Variants in SCNN1B observed in about 807,000 individuals in gnomAD.
The protein encoded by SCNN1B is sodium channel epithelial 1 subunit beta.
A neutral mutation model predicts 65.3 loss-of-function variants in SCNN1B; 46 were observed. The observed-to-expected ratio is 0.70, with a 90% CI of 0.56 to 0.90. The LOEUF (loss-of-function observed/expected upper bound fraction) is 0.90. Ranked by LOEUF, SCNN1B falls within the 40% of genes least tolerant of loss-of-function variation. The pLI is 0.00. For synonymous variants in SCNN1B, 349 were observed against 330.6 expected (o/e 1.06, Z -0.60); for missense variants, 751 against 830.5 (o/e 0.90, Z 1.18).
chr16:23,317,081 C>G (rs746866679), intron 1 of SCNN1B, among the ~76,000 whole-genome samples: 12 of 152,246 alleles, frequency 7.9e-5, no homozygotes, highest in Non-Finnish European at 1.8e-4. Flanking sequence ...AATTTGGGCT[C>G]TAAAGCCTGA....
At chr16:23,327,460 G>A (rs573501691) in intron 1 of SCNN1B, among the ~76,000 whole-genome samples, 2 of 152,136 alleles carry the variant, frequency 1.3e-5, no homozygotes, top group Non-Finnish European at 2.9e-5. Context: ...CTTGAACCCA[G>A]GAGGTGGAGG....
intron 2 of SCNN1B, among the ~76,000 whole-genome samples, chr16:23,349,531 C>G (rs1297889619): frequency 6.6e-6 from 1 of 152,106 alleles, no homozygotes; most frequent in Non-Finnish European, 1.5e-5. Context: ...GCCTGGGTAA[C>G]AGATGCTATC....
In SCNN1B at chr16:23,314,393, GT is replaced by G. The variant is rs1370066828; in HGVS notation, c.-9+11957del. ...AGCTCTCTCACTGCAGGATTTCAATGTATCTTTACAACAATCCAGTGAAACA... is the reference window on the plus strand; with the variant it reads ...AGCTCTCTCACTGCAGGATTTCAATGATCTTTACAACAATCCAGTGAAACA... On this transcript the variant is annotated intron_variant, in intron 1 of 12. Transcript: ENST00000343070. Among the ~76,000 whole-genome samples the G allele has an allele frequency of 6.6e-5, 10 of 152,180 alleles. No homozygotes were observed. The East Asian group carries it at 1.9e-3, about 29-fold the overall frequency.
intron 1 of SCNN1B, among the ~76,000 whole-genome samples, chr16:23,338,117 C>T (rs79588945): frequency 0.012 from 1,860 of 152,264 alleles, 41 homozygotes; most frequent in African/African-American, 0.043. Context: ...TAATACATTT[C>T]CTGCACCAAA....
chr16:23,308,244 C>T (rs1475783211), intron 1 of SCNN1B, among the ~76,000 whole-genome samples: 4 of 152,022 alleles, frequency 2.6e-5, no homozygotes, highest in African/African-American at 4.8e-5. Flanking sequence ...GAGTACAAGC[C>T]GGGTGCAGTG....
chr16:23,353,007 G>T lies in SCNN1B; in HGVS notation c.518G>T (p.Gly173Val), dbSNP rs769240061. ...VLDLFGDNHNGLTSSSASEKI... is the reference protein window; with the variant it reads ...VLDLFGDNHNVLTSSSASEKI... ...GATCTCTTTGGAGACAACCACAATG[G>T]CTTAACAAGCAGCTCAGCATCAGAA... The change falls in exon 3 of 13, where the codon GGC (glycine) becomes GTC (valine). Residue 173 changes from glycine to valine, a missense_variant. Transcript: ENST00000343070. The T allele has an allele frequency of 3.4e-5, 55 of 1,614,024 alleles. No homozygotes were observed. The highest frequency in any genetic ancestry group is 1.2e-4 in the South Asian group (11 of 91,082).
chr16:23,371,208 T>G, intron 5 of SCNN1B, 91 bp from the exon 6 acceptor site: 1 of 1,476,146 alleles, frequency 6.8e-7, no homozygotes. Context: ...GGAGGTCCCC[T>G]GGCCGGAGGG....
chr16:23,306,210 T>G (rs1961216271), intron 1 of SCNN1B, among the ~76,000 whole-genome samples: 1 of 151,222 alleles, frequency 6.6e-6, no homozygotes, highest in Non-Finnish European at 1.5e-5. Flanking sequence ...ATCGTTGCAC[T>G]CTAGCCTGGG....
chr16:23,303,073 C>T (rs934070540), intron 1 of SCNN1B, among the ~76,000 whole-genome samples: 1 of 152,146 alleles, frequency 6.6e-6, no homozygotes, highest in African/African-American at 2.4e-5. Context: ...CAGATCCGAA[C>T]GCCCTGCAGT....
Position 23,380,582 on chromosome 16 carries a change from A to T in SCNN1B, c.1704A>T (p.Gln568His). 6.2e-7 allele frequency: 1 copy of T among 1,614,142 alleles called. No individual in the cohort carries two copies. Among genetic ancestry groups the T allele is most frequent in the Non-Finnish European group, 8.5e-7 (1 of 1,180,012 alleles). Residue 568 changes from glutamine to histidine, a missense_variant, in exon 13 of 13, where the codon CAA becomes CAT. By Grantham distance (24) the Gln-to-His change is conservative (BLOSUM62 0). Transcript: ENST00000343070. This position sits in a 1 kb window ranked among gnomAD's most constrained non-coding sequence, Gnocchi z 5.4. Reference protein sequence around the residue: ...LAKSLRQRRAQASYAGPPPTV... With the variant: ...LAKSLRQRRAHASYAGPPPTV... ...AGAGCCTACGGCAGCGGCGAGCCCAAGCCAGCTACGCTGGCCCACCGCCCA... is the reference window on the plus strand; with the variant it reads ...AGAGCCTACGGCAGCGGCGAGCCCATGCCAGCTACGCTGGCCCACCGCCCA...
intron 1 of SCNN1B, among the ~76,000 whole-genome samples, chr16:23,334,554 C>T (rs1469880298): frequency 2.0e-5 from 3 of 152,190 alleles, no homozygotes; most frequent in Admixed American, 1.3e-4. Context: ...CTGAGGCACA[C>T]CCGTCTGGAC....
chr16:23,318,278 C>T (rs773940420), intron 1 of SCNN1B, among the ~76,000 whole-genome samples: 2 of 152,202 alleles, frequency 1.3e-5, no homozygotes, highest in African/African-American at 2.4e-5. Flanking sequence ...CACCTGACCT[C>T]TCTGTGCTTC....
intron 1 of SCNN1B, among the ~76,000 whole-genome samples, chr16:23,313,087 T>C (rs1282383622): frequency 6.6e-6 from 1 of 152,108 alleles, no homozygotes; most frequent in Non-Finnish European, 1.5e-5. Context: ...TTTATGTGTT[T>C]TGTTTACTGC....
At chr16:23,370,638 C>G (rs549742269) in intron 5 of SCNN1B, among the ~76,000 whole-genome samples, 6 of 152,312 alleles carry the variant, frequency 3.9e-5, no homozygotes, top group Admixed American at 3.3e-4. Context: ...AGTTCCGGGG[C>G]TAGGAAAGTG....
chr16:23,296,826 C>T (rs1961003985), intron 2 of SCNN1B, among the ~76,000 whole-genome samples: 1 of 151,928 alleles, frequency 6.6e-6, no homozygotes, highest in Middle Eastern at 3.4e-3. Flanking sequence ...ATAGTGAAAC[C>T]CCGTCTCTAC....
At chr16:23,294,776 T>A (rs1240461317) in intron 2 of SCNN1B, among the ~76,000 whole-genome samples, 3 of 152,026 alleles carry the variant, frequency 2.0e-5, no homozygotes, top group African/African-American at 7.2e-5. Flanking sequence ...GTGGATCACT[T>A]CAGGTCAGGA....
At chr16:23,377,472 G>A in intron 10 of SCNN1B, 86 bp downstream of exon 10, 2 of 1,282,816 alleles carry the variant, frequency 1.6e-6, no homozygotes, top group Non-Finnish European at 2.3e-6. Context: ...TTGGAAATTT[G>A]AAGGGGGTGC....
At chr16:23,300,663 T>G (rs1223666950), upstream of SCNN1B, among the ~76,000 whole-genome samples, 1 of 151,992 alleles carries the variant, frequency 6.6e-6, no homozygotes, top group Non-Finnish European at 1.5e-5. Context: ...CAGCAAGACT[T>G]TGTCTCCAGA....
At chr16:23,333,236 G>A (rs1191345514) in intron 1 of SCNN1B, among the ~76,000 whole-genome samples, 2 of 151,940 alleles carry the variant, frequency 1.3e-5, no homozygotes, top group African/African-American at 4.8e-5. Flanking sequence ...CCTTATTGCT[G>A]AAGCATAGAT....
Sources: allele counts gnomAD v4.1 joint callset (sites outside exome capture counted in the v4.1 genomes callset), GRCh38; gene constraint gnomAD v4.1.1; non-coding constraint Gnocchi (gnomAD v3.1); transcripts MANE v1.5; gene names NCBI Gene and HGNC (gene_info 2026-07-23, HGNC 2026-07-21).